The following AKAP13 variants were observed in gnomAD, a reference collection of about 807,000 sequenced individuals.
AKAP13 encodes the protein A-kinase anchor protein 13.
A neutral mutation model predicts 264.5 loss-of-function variants in AKAP13; 80 were observed. The ratio of observed to expected loss-of-function variants is 0.30; its 90% confidence interval spans 0.25 to 0.36. AKAP13 has a LOEUF of 0.36. Among genes scored for constraint, AKAP13 ranks in the 10% least tolerant of loss-of-function variants. The pLI is 1.00. For missense variants in AKAP13, 3,712 were observed against 3,435.2 expected, an observed-to-expected ratio of 1.08 and a Z score of -2.01; for synonymous variants, 1,380 against 1,250.2, an observed-to-expected ratio of 1.10 and a Z score of -2.19.
intron 4 of AKAP13, among the ~76,000 whole-genome samples, chr15:85,540,341 C>T (rs941308799): frequency 2.6e-5 from 4 of 152,130 alleles, no homozygotes; most frequent in African/African-American, 9.7e-5. Context: ...ATTATCCTGC[C>T]CACATAATCC....
At position 85,581,739 on chromosome 15, in the gene AKAP13, A is replaced by G; in HGVS notation, c.3671A>G (p.Glu1224Gly). Residue 1224 changes from glutamate (E) to glycine (G), a missense_variant, in exon 7 of 37, where the codon GAA (glutamate) becomes GGA (glycine). Glu to Gly is a moderately conservative substitution (Grantham distance 98). This residue lies in a region of AKAP13 where 2,759 missense variants were observed against 2,411.7 expected (regional missense o/e 1.14). Transcript: ENST00000394518. ...ATGCGAGCCCCGCCTTCAGGCAGGG[A>G]AAGGAGCACTCCCTCTCTACCTTGC... Reference protein sequence around the residue: ...EVMRAPPSGRERSTPSLPCMV... With the variant: ...EVMRAPPSGRGRSTPSLPCMV... The G allele has an allele frequency of 2.5e-6, 4 of 1,614,142 alleles. No individual in the cohort carries two copies. The highest frequency in any genetic ancestry group is 1.7e-6 in the Non-Finnish European group (2 of 1,180,012).
chr15:85,521,363 G>A, intron 2 of AKAP13, 65 bp from the exon 3 acceptor site: 1 of 1,560,850 alleles, frequency 6.4e-7, no homozygotes, highest in Non-Finnish European at 8.8e-7. Flanking sequence ...TATGATGTTT[G>A]ATAAAGATAG....
intron 30 of AKAP13, among the ~76,000 whole-genome samples, chr15:85,731,634 A>G (rs550295806): frequency 9.9e-5 from 15 of 152,252 alleles, no homozygotes; most frequent in Admixed American, 4.6e-4. Flanking sequence ...AGGAGGCATA[A>G]ATATCTAGTT....
chr15:85,476,683 G>C (rs2075175120), intron 1 of AKAP13, among the ~76,000 whole-genome samples: 2 of 152,140 alleles, frequency 1.3e-5, no homozygotes, highest in Admixed American at 6.5e-5. Flanking sequence ...TTTTGTCTCT[G>C]TCTCTGAATT....
rs369993943 is a variant in AKAP13, at chr15:85,715,175, TTA to T, written c.5600-608_5600-607del. Among the ~76,000 whole-genome samples the T allele has an allele frequency of 2.6e-4, 40 of 152,306 alleles. No individual in the cohort carries two copies. In the East Asian group the frequency reaches 6.4e-3, roughly 24 times the overall value. On this transcript the variant is annotated intron_variant, in intron 19 of 36. Transcript: ENST00000394518. Reference sequence around the variant, plus strand: ...TCTTTTAAGCATGAAAGATAGCCTGTTATATACTTTGTTCTGCACTTTGATTT... The same window carrying T: ...TCTTTTAAGCATGAAAGATAGCCTGTTATACTTTGTTCTGCACTTTGATTT...
At chr15:85,706,758 T>C (rs1014192379) in intron 17 of AKAP13, among the ~76,000 whole-genome samples, 5 of 152,206 alleles carry the variant, frequency 3.3e-5, no homozygotes, top group African/African-American at 9.6e-5. Context: ...AGTGGGTGAA[T>C]GGTCCCTGCC....
chr15:85,651,566 G>C (rs1488002289), intron 10 of AKAP13: 1 of 152,180 alleles, frequency 6.6e-6, no homozygotes, highest in East Asian at 1.9e-4. Context: ...TCCTTGCACA[G>C]AGGCCATGCT....
chr15:85,498,199 G>GATATAGATAGATATATATAT (rs1467895169), intron 2 of AKAP13, among the ~76,000 whole-genome samples: 1 of 133,086 alleles, frequency 7.5e-6, no homozygotes, highest in East Asian at 3.5e-4. Context: ...AATGAAGTGA[G>GATATAGATAGATATATATAT]ATATATATAT....
chr15:85,602,764 A>G (rs2080147360), intron 8 of AKAP13, among the ~76,000 whole-genome samples: 1 of 152,210 alleles, frequency 6.6e-6, no homozygotes, highest in Admixed American at 6.5e-5. Context: ...CTGGGATTAC[A>G]GGCGTGAGCC....
At chr15:85,573,576 T>A (rs149798714) in intron 5 of AKAP13, among the ~76,000 whole-genome samples, 3 of 88,814 alleles carry the variant, frequency 3.4e-5, no homozygotes, top group African/African-American at 1.4e-4. Context: ...TAAATAAATA[T>A]GATATGATAT....
intron 1 of AKAP13, among the ~76,000 whole-genome samples, chr15:85,438,587 C>T (rs1188648342): frequency 6.9e-6 from 1 of 145,472 alleles, no homozygotes; most frequent in East Asian, 2.1e-4. Context: ...GCTACAGTAA[C>T]CAAAACAGCA....
intron 1 of AKAP13, among the ~76,000 whole-genome samples, chr15:85,384,639 C>G (rs1406514447): frequency 6.6e-6 from 1 of 151,664 alleles, no homozygotes; most frequent in African/African-American, 2.4e-5. Flanking sequence ...ATCGCTTGAA[C>G]CCGGGAGGTG....
intron 2 of AKAP13, among the ~76,000 whole-genome samples, chr15:85,498,284 G>A (rs1176583230): frequency 1.3e-5 from 2 of 148,994 alleles, no homozygotes; most frequent in African/African-American, 2.5e-5. Flanking sequence ...AAAAAGAGAC[G>A]TACCCCCGTT....
At chr15:85,462,033 T>C (rs1487454404) in intron 1 of AKAP13, among the ~76,000 whole-genome samples, 1 of 152,196 alleles carries the variant, frequency 6.6e-6, no homozygotes, top group African/African-American at 2.4e-5. Flanking sequence ...ACTATAAACC[T>C]GGATAAAGTA....
chr15:85,691,419 A>G (rs542196114), intron 16 of AKAP13, among the ~76,000 whole-genome samples: 7 of 152,254 alleles, frequency 4.6e-5, no homozygotes, highest in South Asian at 2.1e-4. Flanking sequence ...ACTGCTTTAG[A>G]TATTTCATTA....
At chr15:85,655,817 T>C in intron 11 of AKAP13, 30 bp downstream of exon 11, 1 of 1,578,066 alleles carries the variant, frequency 6.3e-7, no homozygotes, top group Non-Finnish European at 8.6e-7. Context: ...GTTTAGTGTC[T>C]CAGTGTCTGC....
At position 85,741,179 on chromosome 15, in the gene AKAP13, G is replaced by A. The variant is rs2088943671; in HGVS notation, c.7742G>A (p.Arg2581His). ...QEKQRSLEKQ[R>H]QDLANLQKQQ... is the part of the protein sequence containing the mutation. Reference sequence around the variant, plus strand: ...AAGCAGCGCAGCCTGGAGAAGCAGCGCCAGGACCTGGCCAACCTGCAGAAG... The same window carrying A: ...AAGCAGCGCAGCCTGGAGAAGCAGCACCAGGACCTGGCCAACCTGCAGAAG... The change falls in exon 35 of 37, where the codon CGC (arginine) becomes CAC (histidine). Residue 2581 changes from arginine (R) to histidine (H), a missense_variant. Arg to His is a conservative substitution (Grantham distance 29). Coordinates refer to ENST00000394518, the MANE Select transcript of AKAP13 (RefSeq NM_007200.5). The A allele has an allele frequency of 1.2e-6, 2 of 1,611,876 alleles. No individual in the cohort carries two copies. Among genetic ancestry groups the A allele is most frequent in the Non-Finnish European group, 1.7e-6 (2 of 1,179,088 alleles).
At chr15:85,536,753 A>G (rs2077413675) in intron 4 of AKAP13, 1 of 152,252 alleles carries the variant, frequency 6.6e-6, no homozygotes, top group Admixed American at 6.5e-5. Flanking sequence ...TTCTATTTAT[A>G]TGATATTCTG....
chr15:85,617,482 T>C (rs2080992180), intron 8 of AKAP13, among the ~76,000 whole-genome samples: 1 of 152,180 alleles, frequency 6.6e-6, no homozygotes, highest in African/African-American at 2.4e-5. Flanking sequence ...CCTCATGATC[T>C]GCTTGCCTTG....
Sources: allele counts gnomAD v4.1 joint callset (sites outside exome capture counted in the v4.1 genomes callset), GRCh38; gene constraint gnomAD v4.1.1; regional missense constraint gnomAD v4.1.1; transcripts MANE v1.5; gene names NCBI Gene and HGNC (gene_info 2026-07-23, HGNC 2026-07-21).